Variants in SUSD1 observed in about 807,000 individuals in gnomAD.
The protein encoded by SUSD1 is sushi domain-containing protein 1.
Under a neutral mutation model 86.9 loss-of-function variants are expected in SUSD1, and 65 were observed. The observed-to-expected ratio is 0.75, with a 90% CI of 0.61 to 0.92. The LOEUF (loss-of-function observed/expected upper bound fraction) is 0.92. Ranked by LOEUF, SUSD1 falls within the 40% of genes least tolerant of loss-of-function variation. The pLI is 0.00. For missense variants in SUSD1, 850 were observed against 929.7 expected (o/e 0.91, Z 1.11); for synonymous variants, 346 against 350.0 (o/e 0.99, Z 0.13).
At chr9:112,052,517 C>T in intron 14 of SUSD1, 79 bp from the exon 15 acceptor site, 7 of 1,527,974 alleles carry the variant, frequency 4.6e-6, no homozygotes, top group South Asian at 3.4e-5. Flanking sequence ...GGCTGAAGCC[C>T]TCTGAGTTTC....
intron 10 of SUSD1, 62 bp from the exon 11 acceptor site, chr9:112,080,227 T>C (rs1438777731): frequency 5.0e-6 from 6 of 1,193,322 alleles, no homozygotes; most frequent in South Asian, 1.2e-5. Context: ...TACCTTTTAA[T>C]TGAGCCATTT....
At chr9:112,132,845 A>G (rs921005015) in intron 5 of SUSD1, among the ~76,000 whole-genome samples, 4 of 152,228 alleles carry the variant, frequency 2.6e-5, no homozygotes, top group African/African-American at 9.6e-5. Flanking sequence ...ATGTCTACAT[A>G]CAACCATGAA....
At chr9:112,060,246 G>A (rs1828657530) in intron 13 of SUSD1, among the ~76,000 whole-genome samples, 1 of 151,888 alleles carries the variant, frequency 6.6e-6, no homozygotes. Flanking sequence ...GTATCCTCAG[G>A]GCCCTGATTT....
chr9:112,086,661 C>T (rs1264222390), intron 10 of SUSD1, among the ~76,000 whole-genome samples: 3 of 151,746 alleles, frequency 2.0e-5, no homozygotes, highest in African/African-American at 4.8e-5. Context: ...GGTAAGAAAA[C>T]GGCATTGCTT....
chr9:112,144,865 A>G (rs975613340), intron 3 of SUSD1, among the ~76,000 whole-genome samples: 2 of 152,144 alleles, frequency 1.3e-5, no homozygotes, highest in Non-Finnish European at 2.9e-5. Context: ...TAGGGTAAAA[A>G]CTGCCCAATA....
intron 10 of SUSD1, among the ~76,000 whole-genome samples, chr9:112,087,910 C>T (rs2782931): frequency 0.28 from 41,849 of 151,924 alleles, 5,995 homozygotes; most frequent in Non-Finnish European, 0.32. Flanking sequence ...AACAATCAAC[C>T]CCAAAATGTA....
chr9:112,072,815 C>T (rs1251937122), intron 12 of SUSD1, among the ~76,000 whole-genome samples: 2 of 152,212 alleles, frequency 1.3e-5, no homozygotes, highest in African/African-American at 4.8e-5. Context: ...ATCAAAAGAG[C>T]CTGTGTCCAC....
intron 13 of SUSD1, 107 bp downstream of exon 13, chr9:112,062,830 C>T: frequency 1.4e-6 from 1 of 722,738 alleles, no homozygotes; most frequent in Non-Finnish European, 2.4e-6. Flanking sequence ...GTTCTAACCA[C>T]CCAAGTGCAG....
chr9:112,142,955 T>TGAA (rs1832642552), intron 4 of SUSD1, among the ~76,000 whole-genome samples: 5 of 139,842 alleles, frequency 3.6e-5, no homozygotes, highest in African/African-American at 1.0e-4. Context: ...AGTTTATGAA[T>TGAA]TTTAGCTTTT....
intron 5 of SUSD1, among the ~76,000 whole-genome samples, chr9:112,140,525 G>A (rs10981273): frequency 3.4e-5 from 5 of 147,466 alleles, no homozygotes; most frequent in Admixed American, 6.8e-5. Flanking sequence ...AAAAAAAAAA[G>A]AAAAAAGAAA....
Position 112,173,659 on chromosome 9 carries a change from G to A in SUSD1, c.103+1474C>T, listed in dbSNP as rs73542608. On this transcript the variant is annotated intron_variant, in intron 1 of 16. Coordinates refer to ENST00000374270, the MANE Select transcript of SUSD1 (RefSeq NM_022486.5). ...CACAGCCTGAGCCCCTTGGCAATGC[G>A]GGCACGAGCACGTTTCCCAAGCTTG... 1,295 of 458,046 alleles carry A rather than the reference G, an allele frequency of 2.8e-3. 14 individuals carry two copies. Among genetic ancestry groups the A allele is most frequent in the African/African-American group, 0.024 (1,178 of 49,910 alleles). 28.4% of individuals were successfully genotyped at this position (458,046 alleles called of 1,614,324 possible).
At position 112,041,068 on chromosome 9, in the gene SUSD1, T is replaced by C. The variant is rs764431344; in HGVS notation, c.*424A>G. ...CCATCTCACTGCATATTGTAAAGAA[T>C]GGATTCTGAATGAATTAACAGAAAT... On this transcript the variant is annotated 3_prime_UTR_variant, in exon 17 of 17. Coordinates refer to ENST00000374270, the MANE Select transcript of SUSD1 (RefSeq NM_022486.5). 1 of 244,080 alleles carries C rather than the reference T, an allele frequency of 4.1e-6. No homozygotes were observed. Among genetic ancestry groups the C allele is most frequent in the African/African-American group, 2.2e-5 (1 of 45,378 alleles). The allele number at this position is 244,080 out of a possible 1,614,324, so 15.1% of individuals were successfully genotyped here. A position where few individuals can be genotyped will look rare whatever the true frequency, so the allele number is the denominator to read the frequency against.
At chr9:112,088,300 C>G (rs1034526849) in intron 10 of SUSD1, among the ~76,000 whole-genome samples, 1 of 151,956 alleles carries the variant, frequency 6.6e-6, no homozygotes, top group Non-Finnish European at 1.5e-5. Flanking sequence ...AATTGTAGCT[C>G]TAAGACAAAA....
chr9:112,138,492 TGTGTCACCCAGGTTGGAGTGCAGTGGCAC>T (rs1832414713), intron 5 of SUSD1, among the ~76,000 whole-genome samples: 1 of 150,820 alleles, frequency 6.6e-6, no homozygotes, highest in Non-Finnish European at 1.5e-5. Context: ...GGAGTCTTGC[TGTGTCACCCAGGTTGGAGTGCAGTGGCAC>T]AATCTCAGCT....
chr9:112,063,660 G>A (rs899795029), intron 12 of SUSD1, among the ~76,000 whole-genome samples: 6 of 150,710 alleles, frequency 4.0e-5, no homozygotes, highest in African/African-American at 1.2e-4. Flanking sequence ...TTTTCCATCC[G>A]GAGGAAACTA....
intron 1 of SUSD1, among the ~76,000 whole-genome samples, chr9:112,165,484 A>G (rs930496169): frequency 3.5e-5 from 5 of 142,406 alleles, no homozygotes; most frequent in Admixed American, 7.5e-5. Flanking sequence ...ATCACAGCTC[A>G]CTGCAACCTC....
At position 112,113,374 on chromosome 9, in the gene SUSD1, T is replaced by C. The variant is rs1831184327; in HGVS notation, c.887-506A>G. ...AGGTTGGGGCAAACTAAAGAAATTC[T>C]CCACAAGGTTCCTAGGTACTTCTGG... On this transcript the variant is annotated intron_variant, in intron 6 of 16. Coordinates refer to ENST00000374270, the MANE Select transcript of SUSD1 (RefSeq NM_022486.5). This position sits in a 1 kb window ranked among gnomAD's most constrained non-coding sequence, Gnocchi z 4.1. Among the ~76,000 whole-genome samples, 1 of 152,204 alleles carries C rather than the reference T, an allele frequency of 6.6e-6. No homozygotes were observed. The highest frequency in any genetic ancestry group is 2.4e-5 in the African/African-American group (1 of 41,454).
intron 2 of SUSD1, among the ~76,000 whole-genome samples, chr9:112,155,739 A>C (rs962384146): frequency 6.6e-6 from 1 of 151,926 alleles, no homozygotes; most frequent in Non-Finnish European, 1.5e-5. Context: ...AGGCAGGAGG[A>C]TCACTTGAGC....
In SUSD1 at chr9:112,080,171, G is replaced by A; in HGVS notation, c.1475-6C>T. ...GTTACTGATGGTCTGTTTTACTGTA[G>A]TGGAAAAGAAATGAGAAATCAATTT... On this transcript the variant is annotated splice_polypyrimidine_tract_variant and splice_region_variant and intron_variant, in intron 10 of 16. Coordinates refer to ENST00000374270, the MANE Select transcript of SUSD1 (RefSeq NM_022486.5). 2 of 1,603,452 alleles carry A rather than the reference G, an allele frequency of 1.2e-6. No individual in the cohort carries two copies. Among genetic ancestry groups the A allele is most frequent in the Middle Eastern group, 1.7e-4 (1 of 5,978 alleles).
Sources: allele counts gnomAD v4.1 joint callset (sites outside exome capture counted in the v4.1 genomes callset), GRCh38; gene constraint gnomAD v4.1.1; non-coding constraint Gnocchi (gnomAD v3.1); transcripts MANE v1.5; gene names NCBI Gene and HGNC (gene_info 2026-07-23, HGNC 2026-07-21).